GJC1: variants seen among roughly 807,000 people sequenced by gnomAD.
GJC1 encodes the protein gap junction gamma-1 protein.
A neutral mutation model predicts 29.3 loss-of-function variants in GJC1; 5 were observed. That is an observed-to-expected ratio of 0.17 (90% CI 0.09 to 0.36). The LOEUF (loss-of-function observed/expected upper bound fraction) is 0.36, where lower values mean the gene tolerates loss of function less well. GJC1 is among the 10% of genes least tolerant of loss of function. GJC1 has a pLI of 1.00. For missense variants in GJC1, 310 were observed against 496.2 expected (o/e 0.62, Z 3.56); for synonymous variants, 177 against 183.3 (o/e 0.97, Z 0.28).
At chr17:44,816,112 C>CAAAA (rs34938283) in intron 1 of GJC1, among the ~76,000 whole-genome samples, 5 of 47,406 alleles carry the variant, frequency 1.1e-4, no homozygotes, top group Admixed American at 3.2e-4. Context: ...CACTCCGTCT[C>CAAAA]AAAAAAAAAA....
At chr17:44,824,728 T>C (rs2145367950) in intron 1 of GJC1, among the ~76,000 whole-genome samples, 1 of 150,334 alleles carries the variant, frequency 6.7e-6, no homozygotes, top group East Asian at 2.0e-4. Context: ...GAGAATTGCT[T>C]GAACCTGGGA....
At chr17:44,812,313 G>C (rs555190633) in intron 1 of GJC1, among the ~76,000 whole-genome samples, 80 of 152,192 alleles carry the variant, frequency 5.3e-4, no homozygotes, top group African/African-American at 1.8e-3. Flanking sequence ...AACAGAGCAA[G>C]ACTCTGTCTC....
chr17:44,828,592 G>C (rs2050199276), intron 1 of GJC1, among the ~76,000 whole-genome samples: 1 of 152,096 alleles, frequency 6.6e-6, no homozygotes, highest in Admixed American at 6.6e-5. Context: ...CTGTTTATTG[G>C]AGCTTTTTAC....
In GJC1 at chr17:44,825,676, G is replaced by A. The variant is rs113630349; in HGVS notation, c.-97+4386C>T. Among the ~76,000 whole-genome samples, 8 of 151,808 alleles carry A rather than the reference G, an allele frequency of 5.3e-5. No individual in the cohort carries two copies. In the South Asian group the frequency reaches 1.5e-3, roughly 28 times the overall value. On this transcript the variant is annotated intron_variant, in intron 1 of 2. Coordinates refer to ENST00000592524, the MANE Select transcript of GJC1 (RefSeq NM_005497.4). ...TATAATCCCAGCTTCTCGCAAGGCT[G>A]AGGCAAGAGAATTCCTTGAACCTGG...
intron 1 of GJC1, among the ~76,000 whole-genome samples, chr17:44,809,858 C>T (rs576771595): frequency 4.6e-4 from 69 of 150,390 alleles, no homozygotes; most frequent in African/African-American, 1.4e-3. Context: ...TGAGCCACCA[C>T]GCCCAGCCTT....
At chr17:44,796,850 G>T (rs7224712), downstream of GJC1, among the ~76,000 whole-genome samples, 134,396 of 151,924 alleles carry the variant, frequency 0.88, 59,568 homozygotes, top group Middle Eastern at 0.91. Context: ...TATATATATA[G>T]AGAGACAGAC....
intron 1 of GJC1, among the ~76,000 whole-genome samples, chr17:44,822,196 CAAAAAAAAAA>C (rs59152296): frequency 4.2e-5 from 2 of 47,558 alleles, no homozygotes; most frequent in South Asian, 8.3e-4. Flanking sequence ...GACTCCGTCT[CAAAAAAAAAA>C]AAAAAAAAAA....
At chr17:44,817,862 A>G (rs2050061278) in intron 1 of GJC1, among the ~76,000 whole-genome samples, 1 of 152,112 alleles carries the variant, frequency 6.6e-6, no homozygotes, top group African/African-American at 2.4e-5. Flanking sequence ...TACCAATGGA[A>G]TTATGTACAG....
At chr17:44,825,511 A>C (rs954751901) in intron 1 of GJC1, among the ~76,000 whole-genome samples, 2 of 152,106 alleles carry the variant, frequency 1.3e-5, no homozygotes, top group African/African-American at 4.8e-5. Context: ...GGCCAGACAC[A>C]GTGGTTCGCG....
chr17:44,821,726 C>CAAAAAAAA (rs1338508082), intron 1 of GJC1, among the ~76,000 whole-genome samples: 1 of 75,480 alleles, frequency 1.3e-5, no homozygotes, highest in Admixed American at 1.3e-4. Context: ...AAAAAAAAAA[C>CAAAAAAAA]AACAAAAAAA....
rs141423744 is a variant in GJC1, at chr17:44,803,609, G to A, written c.*1018C>T. 1.3e-5 allele frequency: 2 copies of A among 152,318 alleles called. No homozygotes were observed. The highest frequency in any genetic ancestry group is 2.9e-5 in the Non-Finnish European group (2 of 68,020). The allele number at this position is 152,318 out of a possible 1,614,324, so 9.4% of individuals were successfully genotyped here. A position where few individuals can be genotyped will look rare whatever the true frequency, so the allele number is the denominator to read the frequency against. ...ATACAAGTAGCTTTGAGTATTCTTGGTTGACAAGGGAATGTTTGCATTTCT... is the reference window on the plus strand; with the variant it reads ...ATACAAGTAGCTTTGAGTATTCTTGATTGACAAGGGAATGTTTGCATTTCT... On this transcript the variant is annotated 3_prime_UTR_variant, in exon 3 of 3. Transcript: ENST00000592524.
chr17:44,829,952 C>G (rs2050213221), intron 1 of GJC1, 110 bp downstream of exon 1: 1 of 152,150 alleles, frequency 6.6e-6, no homozygotes, highest in East Asian at 1.9e-4. Flanking sequence ...CCCGGACCTC[C>G]GGAGGTTCTC....
chr17:44,821,726 CAA>C (rs2050110499), intron 1 of GJC1, among the ~76,000 whole-genome samples: 1 of 75,462 alleles, frequency 1.3e-5, no homozygotes, highest in Non-Finnish European at 2.7e-5. Flanking sequence ...AAAAAAAAAA[CAA>C]CAAAAAAACA....
chr17:44,809,571 CT>C (rs113989364), intron 1 of GJC1, among the ~76,000 whole-genome samples: 380 of 141,448 alleles, frequency 2.7e-3, no homozygotes, highest in Middle Eastern at 3.6e-3. Flanking sequence ...AAATGTGTAT[CT>C]TTTTTTTTTT....
chr17:44,822,196 CAAAAAAAAAAAAAAAA>C (rs59152296), intron 1 of GJC1, among the ~76,000 whole-genome samples: 6 of 47,564 alleles, frequency 1.3e-4, no homozygotes, highest in African/African-American at 4.1e-4. Flanking sequence ...GACTCCGTCT[CAAAAAAAAAAAAAAAA>C]AAAAAAAAAA....
chr17:44,801,343 C>T lies in GJC1; in HGVS notation c.*3284G>A, dbSNP rs1425097657. On this transcript the variant is annotated 3_prime_UTR_variant, in exon 3 of 3. Transcript: ENST00000592524. ...GCATAAATCCAAGTGTGTTAAGGAA[C>T]ATAATCATGTTGATTGTATCCTGAT... The T allele has an allele frequency of 6.6e-6, 1 of 152,132 alleles. No individual in the cohort carries two copies. The highest frequency in any genetic ancestry group is 1.5e-5 in the Non-Finnish European group (1 of 68,024). The allele number at this position is 152,132 out of a possible 1,614,324, so 9.4% of individuals were successfully genotyped here.
intron 1 of GJC1, among the ~76,000 whole-genome samples, chr17:44,827,111 A>T (rs571737492): frequency 8.5e-4 from 130 of 152,226 alleles, no homozygotes; most frequent in Admixed American, 1.4e-3. Context: ...AGAGTTGGAG[A>T]CCAGCCTGAC....
intron 1 of GJC1, among the ~76,000 whole-genome samples, chr17:44,820,791 T>C (rs2050097495): frequency 6.6e-6 from 1 of 152,132 alleles, no homozygotes; most frequent in Non-Finnish European, 1.5e-5. Context: ...GGGTTTACAA[T>C]GAAGTGTTGT....
rs1183985211 is a variant in GJC1 at position 44,802,401 on chromosome 17, G to C, written c.*2226C>G. The C allele has an allele frequency of 6.6e-6, 1 of 152,188 alleles. No homozygotes were observed. The highest frequency in any genetic ancestry group is 2.1e-4 in the South Asian group (1 of 4,830). The allele number at this position is 152,188 out of a possible 1,614,324, so 9.4% of individuals were successfully genotyped here. ...ATTAAAAAACCTGCTGGAAGCTCCA[G>C]TGATGTTAAGAATTAACTGGTAGTT... On this transcript the variant is annotated 3_prime_UTR_variant, in exon 3 of 3. Coordinates refer to ENST00000592524, the MANE Select transcript of GJC1 (RefSeq NM_005497.4).
Sources: allele counts gnomAD v4.1 joint callset (sites outside exome capture counted in the v4.1 genomes callset), GRCh38; gene constraint gnomAD v4.1.1; transcripts MANE v1.5; gene names NCBI Gene and HGNC (gene_info 2026-07-23, HGNC 2026-07-21).